The following UBE2E2 variants were observed in gnomAD, a reference collection of about 807,000 sequenced individuals.
UBE2E2 encodes ubiquitin-conjugating enzyme E2 E2.
UBE2E2 carries 6 observed loss-of-function variants against 24.7 expected under a neutral mutation model. The observed-to-expected ratio is 0.24, with a 90% CI of 0.13 to 0.48. UBE2E2 has a LOEUF of 0.48. Ranked by LOEUF, UBE2E2 falls within the 20% of genes least tolerant of loss-of-function variation. The pLI is 0.99. For missense variants in UBE2E2, 169 were observed against 245.0 expected (o/e 0.69, Z 2.07); for synonymous variants, 104 against 83.6 (o/e 1.24, Z -1.33).
intron 3 of UBE2E2, among the ~76,000 whole-genome samples, chr3:23,333,100 T>C (rs914096038): frequency 1.3e-5 from 2 of 152,156 alleles, no homozygotes; most frequent in Non-Finnish European, 2.9e-5. Flanking sequence ...CTTTAATAGA[T>C]CATAATTTCA....
At chr3:23,240,941 T>C (rs893814953) in intron 3 of UBE2E2, among the ~76,000 whole-genome samples, 7 of 152,194 alleles carry the variant, frequency 4.6e-5, no homozygotes, top group Non-Finnish European at 7.3e-5. Flanking sequence ...AAGGTTTAAT[T>C]TTATTTAAAT....
rs73134480 is a variant in UBE2E2, at chr3:23,589,651, C to T, written c.509-83C>T. The T allele has an allele frequency of 7.0e-7, 1 of 1,428,518 alleles. No homozygotes were observed. The highest frequency in any genetic ancestry group is 9.8e-7 in the Non-Finnish European group (1 of 1,020,960). 88.5% of individuals were successfully genotyped at this position (1,428,518 alleles called of 1,614,324 possible). On this transcript the variant is annotated intron_variant, in intron 5 of 5. Coordinates refer to ENST00000396703, the MANE Select transcript of UBE2E2 (RefSeq NM_152653.4). The surrounding 1 kb of genome is among the most constrained non-coding windows in gnomAD (Gnocchi z 4.1). ...GAACAGCAGCTTCTCATCTCCTACC[C>T]TCCCACTCCTTGCCAGCTTTCTGAA...
intron 5 of UBE2E2, among the ~76,000 whole-genome samples, chr3:23,569,570 G>C (rs909540716): frequency 6.6e-6 from 1 of 152,142 alleles, no homozygotes; most frequent in Non-Finnish European, 1.5e-5. Context: ...GCTGCAGCTA[G>C]AGCTTTTTGC....
chr3:23,331,710 A>G (rs1695063517), intron 3 of UBE2E2, among the ~76,000 whole-genome samples: 1 of 152,088 alleles, frequency 6.6e-6, no homozygotes, highest in Non-Finnish European at 1.5e-5. Flanking sequence ...TGAGCCATGG[A>G]AAGAGTGGGA....
chr3:23,453,479 C>T (rs1046003724), intron 3 of UBE2E2, among the ~76,000 whole-genome samples: 1 of 152,060 alleles, frequency 6.6e-6, no homozygotes, highest in African/African-American at 2.4e-5. Flanking sequence ...AAATGAAAAA[C>T]AAAGACTACA....
At chr3:23,371,425 A>T (rs1425317687) in intron 3 of UBE2E2, among the ~76,000 whole-genome samples, 1 of 152,124 alleles carries the variant, frequency 6.6e-6, no homozygotes, top group Non-Finnish European at 1.5e-5. Flanking sequence ...AGTGTCACTG[A>T]TTGGTTCTTT....
chr3:23,532,117 A>G (rs973280207), intron 4 of UBE2E2, among the ~76,000 whole-genome samples: 1 of 151,806 alleles, frequency 6.6e-6, no homozygotes, highest in Non-Finnish European at 1.5e-5. Context: ...TTTTCTTTGT[A>G]TTAGTACTCT....
intron 3 of UBE2E2, among the ~76,000 whole-genome samples, chr3:23,485,654 CT>C (rs1699352421): frequency 1.3e-5 from 2 of 152,144 alleles, no homozygotes; most frequent in African/African-American, 4.8e-5. Flanking sequence ...GAACTTTGGC[CT>C]GGCGCTGCCT....
intron 1 of UBE2E2, among the ~76,000 whole-genome samples, chr3:23,205,115 G>A (rs989448201): frequency 2.6e-5 from 4 of 152,170 alleles, no homozygotes; most frequent in African/African-American, 9.6e-5. Context: ...GACAGTTTGT[G>A]TTGAAGAAGT....
chr3:23,321,767 A>G (rs1308322679), intron 3 of UBE2E2, among the ~76,000 whole-genome samples: 5 of 151,626 alleles, frequency 3.3e-5, no homozygotes, highest in Admixed American at 3.3e-4. Flanking sequence ...AGACTGAATC[A>G]TTGTCTTTGC....
chr3:23,301,806 A>G (rs894333428), intron 3 of UBE2E2, among the ~76,000 whole-genome samples: 1 of 144,858 alleles, frequency 6.9e-6, no homozygotes, highest in East Asian at 1.9e-4. Context: ...ACTGTCTTCA[A>G]AGCTCAGTTG....
chr3:23,404,013 TG>T (rs1436527444), intron 3 of UBE2E2, among the ~76,000 whole-genome samples: 1 of 152,170 alleles, frequency 6.6e-6, no homozygotes, highest in Non-Finnish European at 1.5e-5. Context: ...TCATTTTCTC[TG>T]CAGCCATGAG....
Position 23,355,228 on chromosome 3 carries a change from G to T in UBE2E2, c.227+137916G>T, listed in dbSNP as rs552185958. Among the ~76,000 whole-genome samples the T allele has an allele frequency of 2.0e-3, 301 of 149,968 alleles. 2 individuals are homozygous for T. Among genetic ancestry groups the T allele is most frequent in the African/African-American group, 7.0e-3 (286 of 40,654 alleles). On this transcript the variant is annotated intron_variant, in intron 3 of 5. Coordinates refer to ENST00000396703, the MANE Select transcript of UBE2E2 (RefSeq NM_152653.4). ...GGAACCTCACACTCTGGGGACTGGT[G>T]GGGGGTTGGGGGAGGGGGGAGGGAT...
At chr3:23,365,653 G>A (rs1343182128) in intron 3 of UBE2E2, among the ~76,000 whole-genome samples, 1 of 152,130 alleles carries the variant, frequency 6.6e-6, no homozygotes, top group Non-Finnish European at 1.5e-5. Flanking sequence ...CCCATAGATA[G>A]GAAGAATCAA....
chr3:23,469,323 A>G (rs1698987020), intron 3 of UBE2E2, among the ~76,000 whole-genome samples: 1 of 152,224 alleles, frequency 6.6e-6, no homozygotes, highest in Non-Finnish European at 1.5e-5. Flanking sequence ...GTCATCTCAG[A>G]GAGAAGATAA....
In UBE2E2 at chr3:23,513,123, T is replaced by G. The variant is rs143529772; in HGVS notation, c.360+13383T>G. 4.6e-3 allele frequency among the ~76,000 whole-genome samples: 693 copies of G among 152,254 alleles called. 8 individuals are homozygous for G. The highest frequency in any genetic ancestry group is 5.5e-3 in the Non-Finnish European group (372 of 68,014). On this transcript the variant is annotated intron_variant, in intron 4 of 5. Transcript: ENST00000396703. ...TATAAAGCAATATGTTTATTTCAGG[T>G]TATTTCCAGTTTATTTTCTTCATTT...
At chr3:23,336,236 A>G (rs1695206545) in intron 3 of UBE2E2, among the ~76,000 whole-genome samples, 1 of 152,288 alleles carries the variant, frequency 6.6e-6, no homozygotes, top group African/African-American at 2.4e-5. Context: ...ATGGGGGGAA[A>G]AGGAGGGAAG....
At chr3:23,259,246 T>G (rs1472532278) in intron 3 of UBE2E2, among the ~76,000 whole-genome samples, 2 of 152,158 alleles carry the variant, frequency 1.3e-5, no homozygotes, top group Non-Finnish European at 1.5e-5. Flanking sequence ...TTTGTGCACA[T>G]GCATGCATAC....
intron 3 of UBE2E2, among the ~76,000 whole-genome samples, chr3:23,262,106 T>G (rs1338631257): frequency 2.0e-5 from 3 of 152,182 alleles, no homozygotes; most frequent in Non-Finnish European, 4.4e-5. Context: ...CAGGGCACCC[T>G]TTTCTCCACA....
Sources: gnomAD v4.1 joint callset for allele counts (sites outside exome capture counted in the v4.1 genomes callset) on GRCh38, gnomAD v4.1.1 for gene constraint, Gnocchi (gnomAD v3.1) non-coding constraint, MANE v1.5 for transcripts, NCBI Gene and HGNC (gene_info 2026-07-23, HGNC 2026-07-21) for gene names.